CELF2: variants seen among roughly 807,000 people sequenced by gnomAD.
CELF2 encodes CUG triplet repeat RNA-binding protein 2.
A neutral mutation model predicts 62.6 loss-of-function variants in CELF2; 8 were observed. The ratio of observed to expected loss-of-function variants is 0.13; its 90% CI spans 0.07 to 0.23. The LOEUF (loss-of-function observed/expected upper bound fraction) is 0.23. Among genes scored for constraint, CELF2 ranks in the 10% least tolerant of loss-of-function variants. CELF2 has a pLI of 1.00. For missense variants in CELF2, 333 were observed against 671.0 expected (o/e 0.50, Z 5.56); for synonymous variants, 258 against 250.0 (o/e 1.03, Z -0.30).
chr10:11,197,026 A>AGGAAGG (rs1554936340), intron 2 of CELF2, among the ~76,000 whole-genome samples: 7 of 1,618 alleles, frequency 4.3e-3, no homozygotes, highest in African/African-American at 5.6e-3. Context: ...GAAAGAAAGA[A>AGGAAGG]AAGAAAGAAA....
At chr10:10,575,222 G>C in the CELF2 span, among the ~76,000 whole-genome samples, 2 of 152,108 alleles carry the variant, frequency 1.3e-5, no homozygotes, top group African/African-American at 4.8e-5. Context: ...GTGAATGAAA[G>C]AACACAAGAG....
At chr10:10,490,045 T>C in the CELF2 span, among the ~76,000 whole-genome samples, 2 of 151,958 alleles carry the variant, frequency 1.3e-5, no homozygotes, top group Non-Finnish European at 2.9e-5. Flanking sequence ...ATCTGAAACA[T>C]CACATTTGAT....
At chr10:11,106,933 C>T (rs2053650379) in intron 1 of CELF2, among the ~76,000 whole-genome samples, 1 of 152,212 alleles carries the variant, frequency 6.6e-6, no homozygotes, top group African/African-American at 2.4e-5. Context: ...CCTCCTGTGC[C>T]TGCAGGGGAG....
the CELF2 span, among the ~76,000 whole-genome samples, chr10:10,655,402 C>T: frequency 6.5e-5 from 8 of 123,828 alleles, no homozygotes; most frequent in African/African-American, 5.9e-5. Context: ...AAAAAAGATC[C>T]CGCATCGCCA....
chr10:11,214,611 G>C lies in CELF2; in HGVS notation c.272-2814G>C. On this transcript the variant is annotated intron_variant, in intron 2 of 12. Coordinates refer to ENST00000633077, the MANE Select transcript of CELF2 (RefSeq NM_001326342.2). The surrounding 1 kb of genome is among the most constrained non-coding windows in gnomAD (Gnocchi z 4.2). Reference sequence around the variant, plus strand: ...GGCTCCAGGCTTCCCTGCCAAACGCGGCGCCTGTGGAGCTGTGCTGGGGCT... The same window carrying C: ...GGCTCCAGGCTTCCCTGCCAAACGCCGCGCCTGTGGAGCTGTGCTGGGGCT... Among the ~76,000 whole-genome samples the C allele has an allele frequency of 6.6e-6, 1 of 152,328 alleles. No individual in the cohort carries two copies. Among genetic ancestry groups the C allele is most frequent in the South Asian group, 2.1e-4 (1 of 4,824 alleles).
At chr10:10,694,618 A>C in the CELF2 span, among the ~76,000 whole-genome samples, 2 of 151,828 alleles carry the variant, frequency 1.3e-5, no homozygotes, top group African/African-American at 2.4e-5. Context: ...GGGGTGTTAA[A>C]GTCTCCCATT....
intron 1 of CELF2, among the ~76,000 whole-genome samples, chr10:10,802,200 C>T (rs944227835): frequency 6.6e-6 from 1 of 152,184 alleles, no homozygotes; most frequent in African/African-American, 2.4e-5. Flanking sequence ...AGGCTGGGCA[C>T]AGTGGCTGAC....
chr10:10,760,934 C>T, the CELF2 span, among the ~76,000 whole-genome samples: 1 of 152,092 alleles, frequency 6.6e-6, no homozygotes, highest in African/African-American at 2.4e-5. Context: ...TGGACTTTAT[C>T]TTAAGAGCAA....
At position 11,329,851 on chromosome 10, in the gene CELF2, AATAC is replaced by A. The variant is rs1426971672; in HGVS notation, c.*802_*805del. ...TTTAATAATAATAAATAAATACATA[AATAC>A]ATAAATAAAAAAGAAAGCCACAGGC... On this transcript the variant is annotated 3_prime_UTR_variant, in exon 13 of 13. Coordinates refer to ENST00000633077, the MANE Select transcript of CELF2 (RefSeq NM_001326342.2). The surrounding 1 kb of genome is among the most constrained non-coding windows in gnomAD (Gnocchi z 5.5). 8.5e-5 allele frequency: 13 copies of A among 152,136 alleles called. No homozygotes were observed. The highest frequency in any genetic ancestry group is 1.5e-4 in the Non-Finnish European group (10 of 68,002). The allele number at this position is 152,136 out of a possible 1,614,324, so 9.4% of individuals were successfully genotyped here. A position where few individuals can be genotyped will look rare whatever the true frequency, so the allele number is the denominator to read the frequency against.
chr10:11,307,993 G>A (rs1049346799), intron 9 of CELF2, among the ~76,000 whole-genome samples: 3 of 152,224 alleles, frequency 2.0e-5, no homozygotes, highest in African/African-American at 4.8e-5. Flanking sequence ...AAGCTGCAGA[G>A]ACTAAGAGCA....
the CELF2 span, among the ~76,000 whole-genome samples, chr10:10,557,751 T>C: frequency 1.4e-5 from 2 of 146,998 alleles, no homozygotes; most frequent in East Asian, 4.0e-4. Flanking sequence ...GTCCTTCACA[T>C]CCCTTGTAAG....
chr10:10,649,036 T>A, the CELF2 span, among the ~76,000 whole-genome samples: 1 of 152,214 alleles, frequency 6.6e-6, no homozygotes, highest in Non-Finnish European at 1.5e-5. Context: ...ATTTCAGTCC[T>A]GGATTTTCAG....
intron 1 of CELF2, among the ~76,000 whole-genome samples, chr10:11,007,417 A>C (rs1002258645): frequency 6.6e-6 from 1 of 152,248 alleles, no homozygotes; most frequent in African/African-American, 2.4e-5. Flanking sequence ...GATTATTAAA[A>C]TAAATGTTAC....
At chr10:10,955,679 T>G (rs949168184) in intron 2 of CELF2, among the ~76,000 whole-genome samples, 6 of 152,116 alleles carry the variant, frequency 3.9e-5, no homozygotes, top group Non-Finnish European at 7.4e-5. Flanking sequence ...GGGCTGAAAT[T>G]TAAACCCAGA....
chr10:10,792,253 C>A, the CELF2 span: 452 of 396,248 alleles, frequency 1.1e-3, 2 homozygotes, highest in African/African-American at 8.8e-3. Flanking sequence ...CCTTGAATTA[C>A]ATTAACAAGT....
At chr10:11,085,730 C>T (rs1026765830) in intron 1 of CELF2, among the ~76,000 whole-genome samples, 11 of 152,002 alleles carry the variant, frequency 7.2e-5, no homozygotes, top group Admixed American at 6.5e-4. Context: ...GTTTTTTGTC[C>T]CCACCTCCCC....
intron 1 of CELF2, among the ~76,000 whole-genome samples, chr10:10,822,197 C>A (rs2057022340): frequency 6.6e-6 from 1 of 152,240 alleles, no homozygotes. Context: ...GTCACCACCT[C>A]TGCATCCCCA....
chr10:10,881,265 T>C (rs1387774093), intron 1 of CELF2, among the ~76,000 whole-genome samples: 7 of 152,232 alleles, frequency 4.6e-5, no homozygotes. Flanking sequence ...GCATGGATGG[T>C]ATATTTTGAG....
intron 1 of CELF2, among the ~76,000 whole-genome samples, chr10:10,871,039 T>C (rs1461560723): frequency 6.6e-6 from 1 of 151,428 alleles, no homozygotes; most frequent in African/African-American, 2.4e-5. Context: ...AATTGAACAG[T>C]CTCTTCCAGG....
Sources: allele counts gnomAD v4.1 joint callset (sites outside exome capture counted in the v4.1 genomes callset), GRCh38; gene constraint gnomAD v4.1.1; non-coding constraint Gnocchi (gnomAD v3.1); transcripts MANE v1.5; gene names NCBI Gene and HGNC (gene_info 2026-07-23, HGNC 2026-07-21).